The following ZNF608 variants were observed in gnomAD, a reference collection of about 807,000 sequenced individuals.
ZNF608 encodes the protein zinc finger protein 608.
In ZNF608, 12 loss-of-function variants were observed where a neutral mutation model predicts 109.0. The observed-to-expected ratio is 0.11, with a 90% CI of 0.07 to 0.18. ZNF608 has a LOEUF of 0.18. Among genes scored for constraint, ZNF608 ranks in the 10% least tolerant of loss-of-function variants. The pLI is 1.00. For synonymous variants in ZNF608, 732 were observed against 717.4 expected, an observed-to-expected ratio of 1.02 and a Z score of -0.33; for missense variants, 1,707 against 1,879.3, an observed-to-expected ratio of 0.91 and a Z score of 1.70.
chr5:124,683,183 CCTT>C (rs1433006578), intron 3 of ZNF608, among the ~76,000 whole-genome samples: 1 of 152,158 alleles, frequency 6.6e-6, no homozygotes, highest in African/African-American at 2.4e-5. Context: ...AGAAGTGGCT[CCTT>C]CATCTCCACT....
rs755610596 is a variant in ZNF608 at position 124,641,284 on chromosome 5, G to A, written c.4418C>T (p.Pro1473Leu). 3.1e-6 allele frequency: 5 copies of A among 1,613,730 alleles called. No homozygotes were observed. The highest frequency in any genetic ancestry group is 1.3e-5 in the African/African-American group (1 of 74,898). ...AGGGTCATATTGACCCGGGATTAGCGGGTAACCCATGCCAACGTGGGTGTG... is the reference window on the plus strand; with the variant it reads ...AGGGTCATATTGACCCGGGATTAGCAGGTAACCCATGCCAACGTGGGTGTG... The part of the protein sequence containing the change: ...HHHTHVGMGY[P>L]LIPGQYDPFQ... The change falls in exon 8 of 10, where the codon CCG (proline) becomes CTG (leucine). Residue 1473 changes from proline to leucine, a missense_variant. Physicochemically the swap from Pro to Leu is moderately conservative, Grantham distance 98. Transcript: ENST00000513986.
intron 3 of ZNF608, among the ~76,000 whole-genome samples, chr5:124,697,497 TG>T (rs896566906): frequency 2.6e-5 from 4 of 152,176 alleles, no homozygotes; most frequent in Admixed American, 6.5e-5. Context: ...CATACATCAT[TG>T]GTCCTATGCA....
At chr5:124,693,107 G>GA (rs775378639) in intron 3 of ZNF608, among the ~76,000 whole-genome samples, 48 of 152,194 alleles carry the variant, frequency 3.2e-4, no homozygotes, top group Non-Finnish European at 3.7e-4. Context: ...AATACACACA[G>GA]AAAAAAACAC....
At chr5:124,649,572 G>A (rs1395736231) in intron 4 of ZNF608, 38 bp downstream of exon 4, 12 of 1,501,018 alleles carry the variant, frequency 8.0e-6, no homozygotes, top group Non-Finnish European at 1.1e-5. Context: ...TGCAAAGAGA[G>A]GATGGGGAAG....
At chr5:124,687,647 C>T (rs1007648036) in intron 3 of ZNF608, among the ~76,000 whole-genome samples, 8 of 152,102 alleles carry the variant, frequency 5.3e-5, no homozygotes, top group Admixed American at 3.3e-4. Context: ...ATTGTGCCCA[C>T]GAGCCGAATT....
At chr5:124,668,195 AATATATATATATATATATATATT>A (rs1198839137) in intron 3 of ZNF608, among the ~76,000 whole-genome samples, 5 of 135,686 alleles carry the variant, frequency 3.7e-5, no homozygotes, top group East Asian at 2.1e-4. Flanking sequence ...TATGCTTAAA[AATATATATATATATATATATATT>A]ATATATATAT....
At chr5:124,662,492 C>T (rs950567711) in intron 3 of ZNF608, among the ~76,000 whole-genome samples, 1 of 152,250 alleles carries the variant, frequency 6.6e-6, no homozygotes, top group African/African-American at 2.4e-5. Flanking sequence ...ACAGCTTTTA[C>T]TGCCTCTGTG....
intron 2 of ZNF608, among the ~76,000 whole-genome samples, chr5:124,722,530 T>C (rs1753968841): frequency 6.6e-6 from 1 of 151,944 alleles, no homozygotes; most frequent in African/African-American, 2.4e-5. Context: ...TGAAGTCATA[T>C]TTAAAGCAAT....
intron 1 of ZNF608, 50 bp from the exon 2 acceptor site, chr5:124,745,222 G>C (rs1749596383): frequency 1.5e-6 from 2 of 1,371,132 alleles, no homozygotes; most frequent in East Asian, 2.8e-5. Context: ...GGTGTTACCA[G>C]AATAAAAAAC....
chr5:124,700,992 T>C (rs374749380), intron 3 of ZNF608, 22 bp downstream of exon 3: 10 of 1,611,620 alleles, frequency 6.2e-6, no homozygotes, highest in African/African-American at 1.3e-5. Context: ...TCGGGAAATA[T>C]ATAAAAATAA....
chr5:124,641,529 AT>A, intron 7 of ZNF608, 124 bp from the exon 8 acceptor site: 1 of 1,071,458 alleles, frequency 9.3e-7, no homozygotes, highest in African/African-American at 1.6e-5. Context: ...TAAAGATACA[AT>A]TCTTTAGTAA....
At chr5:124,665,817 T>C (rs1466082113) in intron 3 of ZNF608, among the ~76,000 whole-genome samples, 1 of 152,220 alleles carries the variant, frequency 6.6e-6, no homozygotes, top group Non-Finnish European at 1.5e-5. Flanking sequence ...CTCCCACTAC[T>C]CCTTGCAGTT....
chr5:124,701,520 C>A (rs1425235885), intron 2 of ZNF608, among the ~76,000 whole-genome samples: 3 of 152,190 alleles, frequency 2.0e-5, no homozygotes, highest in African/African-American at 7.2e-5. Flanking sequence ...GTGTCCTTCT[C>A]CTTCTAAATT....
chr5:124,695,690 C>A (rs1053032891), intron 3 of ZNF608, among the ~76,000 whole-genome samples: 1 of 151,980 alleles, frequency 6.6e-6, no homozygotes, highest in Admixed American at 6.6e-5. Context: ...ACCACCTGAG[C>A]CCAGGAGATC....
At position 124,745,122 on chromosome 5, in the gene ZNF608, C is replaced by T. The variant is rs1580732114; in HGVS notation, c.-133G>A. ...CTAATCTTCCTCTTCTTTTTCCTGCCCCACGAATGTGTCCAGGGATTTTAC... is the reference window on the plus strand; with the variant it reads ...CTAATCTTCCTCTTCTTTTTCCTGCTCCACGAATGTGTCCAGGGATTTTAC... On this transcript the variant is annotated 5_prime_UTR_variant, in exon 2 of 10. Coordinates refer to ENST00000513986, the MANE Select transcript of ZNF608 (RefSeq NM_020747.3). 1.4e-6 allele frequency: 2 copies of T among 1,444,656 alleles called. No homozygotes were observed. Among genetic ancestry groups the T allele is most frequent in the East Asian group, 5.0e-5 (2 of 40,240 alleles). The allele number at this position is 1,444,656 out of a possible 1,614,324, so 89.5% of individuals were successfully genotyped here. A position where few individuals can be genotyped will look rare whatever the true frequency, so the allele number is the denominator to read the frequency against.
chr5:124,722,268 G>A (rs566857369), intron 2 of ZNF608, among the ~76,000 whole-genome samples: 3 of 152,144 alleles, frequency 2.0e-5, no homozygotes, highest in African/African-American at 4.8e-5. Context: ...CTCCCAAAAC[G>A]TTTCCCCCTG....
chr5:124,696,228 C>A (rs1324043847), intron 3 of ZNF608, among the ~76,000 whole-genome samples: 2 of 151,956 alleles, frequency 1.3e-5, no homozygotes, highest in African/African-American at 2.4e-5. Flanking sequence ...AGAATCATTT[C>A]TTTCTCCAAT....
intron 3 of ZNF608, among the ~76,000 whole-genome samples, chr5:124,688,226 AT>A (rs1214232443): frequency 7.2e-5 from 11 of 152,064 alleles, no homozygotes; most frequent in African/African-American, 2.7e-4. Flanking sequence ...TGTAAGAGTC[AT>A]TCTAGACACA....
intron 3 of ZNF608, among the ~76,000 whole-genome samples, chr5:124,667,438 G>A (rs1354926326): frequency 6.8e-6 from 1 of 145,992 alleles, no homozygotes; most frequent in East Asian, 2.0e-4. Context: ...TTCATCCCCT[G>A]AACACAGCTT....
Sources: gnomAD v4.1 joint callset for allele counts (sites outside exome capture counted in the v4.1 genomes callset) on GRCh38, gnomAD v4.1.1 for gene constraint, MANE v1.5 for transcripts, NCBI Gene and HGNC (gene_info 2026-07-23, HGNC 2026-07-21) for gene names.